NOVA1: variants seen among roughly 807,000 people sequenced by gnomAD.
NOVA1 encodes NOVA alternative splicing regulator 1, also known as RNA-binding protein Nova-1.
In NOVA1, 7 loss-of-function variants were observed where a neutral mutation model predicts 38.0. The observed-to-expected ratio is 0.18, with a 90% CI of 0.10 to 0.35. The LOEUF (loss-of-function observed/expected upper bound fraction) is 0.35. Ranked by LOEUF, NOVA1 falls within the 10% of genes least tolerant of loss-of-function variation. NOVA1 has a pLI of 1.00. For missense variants in NOVA1, 460 were observed against 616.0 expected, an observed-to-expected ratio of 0.75 and a Z score of 2.68; for synonymous variants, 270 against 232.5, an observed-to-expected ratio of 1.16 and a Z score of -1.47.
chr14:26,566,736 T>C (rs1297516580), intron 2 of NOVA1, among the ~76,000 whole-genome samples: 1 of 152,176 alleles, frequency 6.6e-6, no homozygotes, highest in Non-Finnish European at 1.5e-5. Flanking sequence ...TTGGCATTTC[T>C]TGTTGACAAT....
At chr14:26,530,592 AT>A (rs1387666006) in intron 2 of NOVA1, among the ~76,000 whole-genome samples, 2 of 152,160 alleles carry the variant, frequency 1.3e-5, no homozygotes, top group Non-Finnish European at 2.9e-5. Context: ...TGCGCTGTTT[AT>A]TCTACATCTA....
intron 2 of NOVA1, among the ~76,000 whole-genome samples, chr14:26,489,668 C>A (rs997538134): frequency 3.3e-5 from 5 of 151,956 alleles, no homozygotes; most frequent in Non-Finnish European, 7.4e-5. Context: ...GTGAGAACTC[C>A]ATCTCTACTA....
At chr14:26,524,911 T>C (rs1052666359) in intron 2 of NOVA1, among the ~76,000 whole-genome samples, 4 of 152,196 alleles carry the variant, frequency 2.6e-5, no homozygotes, top group African/African-American at 9.6e-5. Context: ...GGTAGCAGTT[T>C]TGTAATTATC....
Position 26,448,298 on chromosome 14 carries a change from G to A in NOVA1, c.1185C>T (p.Thr395=), listed in dbSNP as rs760745018. ...LGSLAAATAA[T]NGYFGAASPL... is the part of the protein sequence containing the mutation. ...GAGAAGCAGCTCCAAAATATCCATT[G>A]GTTGCAGCAGTAGCAGCAGCCAGGC... The change falls in exon 5 of 5, where the codon ACC becomes ACT. Residue 395 remains threonine, a synonymous_variant. Coordinates refer to ENST00000539517, the MANE Select transcript of NOVA1 (RefSeq NM_002515.3). The surrounding 1 kb of genome is among the most constrained non-coding windows in gnomAD (Gnocchi z 5.3). The A allele has an allele frequency of 2.5e-6, 4 of 1,614,120 alleles. No homozygotes were observed. The highest frequency in any genetic ancestry group is 1.1e-5 in the South Asian group (1 of 91,078).
intron 2 of NOVA1, among the ~76,000 whole-genome samples, chr14:26,516,761 A>G (rs1316034636): frequency 6.6e-6 from 1 of 152,214 alleles, no homozygotes; most frequent in African/African-American, 2.4e-5. Flanking sequence ...CACTGTCTCA[A>G]TGGGACTTTG....
intron 2 of NOVA1, among the ~76,000 whole-genome samples, chr14:26,580,615 T>C (rs1007815992): frequency 6.6e-6 from 1 of 152,214 alleles, no homozygotes; most frequent in East Asian, 1.9e-4. Flanking sequence ...TTAATCAACA[T>C]AGGTGGTTTG....
intron 4 of NOVA1, among the ~76,000 whole-genome samples, chr14:26,468,514 T>C (rs1884328732): frequency 2.0e-5 from 3 of 152,134 alleles, no homozygotes; most frequent in African/African-American, 4.8e-5. Flanking sequence ...AAAATAAATG[T>C]GTGTTGCTTA....
chr14:26,470,087 T>C, intron 4 of NOVA1: 1 of 497,432 alleles, frequency 2.0e-6, no homozygotes, highest in Non-Finnish European at 2.7e-6. Flanking sequence ...TTTTTAAATA[T>C]TGGAAATGCA....
At chr14:26,577,908 C>A in intron 2 of NOVA1, among the ~76,000 whole-genome samples, 1 of 150,552 alleles carries the variant, frequency 6.6e-6, no homozygotes, top group Non-Finnish European at 1.5e-5. Context: ...TGGTAGTCAT[C>A]AAAGAACAGA....
intron 4 of NOVA1, among the ~76,000 whole-genome samples, chr14:26,454,386 C>A (rs999005718): frequency 6.6e-6 from 1 of 151,936 alleles, no homozygotes; most frequent in African/African-American, 2.4e-5. Context: ...GGAAACTTGT[C>A]GATAAAGAGA....
intron 2 of NOVA1, among the ~76,000 whole-genome samples, chr14:26,580,843 T>C (rs943486631): frequency 1.3e-5 from 2 of 152,074 alleles, no homozygotes; most frequent in Non-Finnish European, 2.9e-5. Context: ...TTAAAAATCC[T>C]TATATAAATG....
chr14:26,535,060 T>C (rs527763430), intron 2 of NOVA1, among the ~76,000 whole-genome samples: 6 of 152,298 alleles, frequency 3.9e-5, no homozygotes, highest in Admixed American at 2.6e-4. Flanking sequence ...TTAATTGTTA[T>C]AGTGATCACA....
chr14:26,555,847 T>C (rs781102392), intron 2 of NOVA1, among the ~76,000 whole-genome samples: 1 of 152,142 alleles, frequency 6.6e-6, no homozygotes, highest in Non-Finnish European at 1.5e-5. Flanking sequence ...CACACAATTA[T>C]TGGGGCTAGT....
chr14:26,557,839 C>T (rs961583460), intron 2 of NOVA1, among the ~76,000 whole-genome samples: 1 of 152,008 alleles, frequency 6.6e-6, no homozygotes, highest in African/African-American at 2.4e-5. Context: ...TTATTAATGA[C>T]TGTTCAAACA....
chr14:26,484,457 A>AAAAAAAAAAAAAC lies in NOVA1; in HGVS notation c.281-4315_281-4314insGTTTTTTTTTTTT, dbSNP rs1175375616. On this transcript the variant is annotated intron_variant, in intron 2 of 4. Coordinates refer to ENST00000539517, the MANE Select transcript of NOVA1 (RefSeq NM_002515.3). ...AAAAAAAAAAAAAAAAAAAAAAAAA[A>AAAAAAAAAAAAAC]AAAAAGAAATTAATTGTTCTATTTT... Among the ~76,000 whole-genome samples, 7 of 102,586 alleles carry AAAAAAAAAAAAAC rather than the reference A, an allele frequency of 6.8e-5. 3 individuals carry two copies. The highest frequency in any genetic ancestry group is 8.0e-5 in the Non-Finnish European group (4 of 50,042). The allele number at this position is 102,586 out of a possible 152,430, so 67.3% of individuals were successfully genotyped here.
intron 2 of NOVA1, among the ~76,000 whole-genome samples, chr14:26,570,669 G>T (rs1003489699): frequency 1.3e-5 from 2 of 152,010 alleles, no homozygotes; most frequent in Non-Finnish European, 1.5e-5. Context: ...GTTGCAGAAG[G>T]CAATTGTTCC....
chr14:26,518,368 C>T (rs1437273800), intron 2 of NOVA1, among the ~76,000 whole-genome samples: 1 of 151,820 alleles, frequency 6.6e-6, no homozygotes, highest in Non-Finnish European at 1.5e-5. Flanking sequence ...AAAGTATTGC[C>T]ATTATTATTA....
In NOVA1 at chr14:26,458,655, G is replaced by A. The variant is rs182791739; in HGVS notation, c.520-9692C>T. On this transcript the variant is annotated intron_variant, in intron 4 of 4. Transcript: ENST00000539517. The stretch of plus-strand genomic sequence containing the variant: ...CATAAAGATGGCAACAATAGACACT[G>A]GGACTCCCAGAAGGGAGAGGTTGGG... Among the ~76,000 whole-genome samples, 3 of 152,128 alleles carry A rather than the reference G, an allele frequency of 2.0e-5. No individual in the cohort carries two copies. The East Asian group carries it at 5.8e-4, about 30-fold the overall frequency.
rs1265924111 is a variant in NOVA1 at position 26,445,264 on chromosome 14, T to C, written c.*2695A>G. 3 of 152,332 alleles carry C rather than the reference T, an allele frequency of 2.0e-5. No homozygotes were observed. Among genetic ancestry groups the C allele is most frequent in the African/African-American group, 7.2e-5 (3 of 41,590 alleles). The allele number at this position is 152,332 out of a possible 1,614,324, so 9.4% of individuals were successfully genotyped here. On this transcript the variant is annotated 3_prime_UTR_variant, in exon 5 of 5. Coordinates refer to ENST00000539517, the MANE Select transcript of NOVA1 (RefSeq NM_002515.3). Reference sequence around the variant, plus strand: ...GCCTACCTGTGGCAGTTTGAAGCCATACTAATTTTCTTGCAATAAATTAAA... The same window carrying C: ...GCCTACCTGTGGCAGTTTGAAGCCACACTAATTTTCTTGCAATAAATTAAA...
Sources: allele counts gnomAD v4.1 joint callset (sites outside exome capture counted in the v4.1 genomes callset), GRCh38; gene constraint gnomAD v4.1.1; non-coding constraint Gnocchi (gnomAD v3.1); transcripts MANE v1.5; gene names NCBI Gene and HGNC (gene_info 2026-07-23, HGNC 2026-07-21).